The following OTOF variants were observed in gnomAD, a reference collection of about 807,000 sequenced individuals.
OTOF encodes the protein fer-1-like family member 2.
In OTOF, 218 loss-of-function variants were observed where a neutral mutation model predicts 236.8. That is an observed-to-expected ratio of 0.92 (90% confidence interval 0.82 to 1.03). The LOEUF (loss-of-function observed/expected upper bound fraction) is 1.03. Ranked by LOEUF, OTOF falls within the 50% of genes least tolerant of loss-of-function variation. OTOF has a pLI of 0.00. For synonymous variants in OTOF, 1,041 were observed against 1,072.5 expected (o/e 0.97, Z 0.57); for missense variants, 2,590 against 2,694.4 (o/e 0.96, Z 0.86).
chr2:26,519,862 A>C lies in OTOF; in HGVS notation c.228-753T>G, dbSNP rs114723734. Among the ~76,000 whole-genome samples the C allele has an allele frequency of 7.3e-3, 1,115 of 152,320 alleles. 15 individuals are homozygous for C. Among genetic ancestry groups the C allele is most frequent in the African/African-American group, 0.024 (1,013 of 41,574 alleles). On this transcript the variant is annotated intron_variant, in intron 3 of 46. Coordinates refer to ENST00000272371, the MANE Select transcript of OTOF (RefSeq NM_194248.3). ...GAGTGTTCTTGTCAAAGCCCCCAGC[A>C]CACAGCCAGCACTCCAAAGCAGTCC...
chr2:26,502,287 CCCGT>C lies in OTOF; in HGVS notation c.710+9_710+12del, dbSNP rs1666131680. ...TGGGGGCAGCTGGGGTTGCAGGGCT[CCCGT>C]CCACTCACCGCTTGTTGGAGACATT... On this transcript the variant is annotated intron_variant, in intron 7 of 46. Transcript: ENST00000272371. 4 of 1,613,928 alleles carry C rather than the reference CCCGT, an allele frequency of 2.5e-6. No individual in the cohort carries two copies. In the East Asian group the frequency reaches 8.9e-5, roughly 36 times the overall value.
chr2:26,535,047 G>A (rs1486025278), intron 2 of OTOF, among the ~76,000 whole-genome samples: 2 of 152,240 alleles, frequency 1.3e-5, no homozygotes, highest in South Asian at 2.1e-4. Context: ...AGGCCTCCGG[G>A]CCGTTCCTGA....
chr2:26,517,071 G>A (rs1666549083), intron 4 of OTOF, among the ~76,000 whole-genome samples: 1 of 152,192 alleles, frequency 6.6e-6, no homozygotes, highest in Admixed American at 6.5e-5. Flanking sequence ...GCCTCCGGGA[G>A]AGGAGCCCAG....
chr2:26,492,274 G>T (rs959351956), intron 9 of OTOF, among the ~76,000 whole-genome samples: 1 of 152,128 alleles, frequency 6.6e-6, no homozygotes, highest in African/African-American at 2.4e-5. Context: ...TAGAGGCCAG[G>T]GATGCTGCTC....
In OTOF at chr2:26,460,599, G is replaced by A. The variant is rs56148544; in HGVS notation, c.5813+48C>T. 1,166 of 1,422,196 alleles carry A rather than the reference G, an allele frequency of 8.2e-4. 2 individuals are homozygous for A. The highest frequency in any genetic ancestry group is 1.2e-3 in the South Asian group (105 of 86,292). The allele number at this position is 1,422,196 out of a possible 1,614,324, so 88.1% of individuals were successfully genotyped here. ...GGGATCGTCTCCTTCCTGTTCCAGC[G>A]CCTCCAAGAGCCAGAGTGGGGAGGG... is the stretch of plus-strand genomic sequence containing the variant. On this transcript the variant is annotated intron_variant, in intron 45 of 46. Transcript: ENST00000272371. The surrounding 1 kb of genome is among the most constrained non-coding windows in gnomAD (Gnocchi z 5.3).
chr2:26,470,514 G>A lies in OTOF; in HGVS notation c.4023+79C>T, dbSNP rs983293753. ...GAATGGAGTTGGGATCCAGCTCTTG[G>A]GGGCCGTGGGAAAGAAGCTGGACAG... On this transcript the variant is annotated intron_variant, in intron 32 of 46. Coordinates refer to ENST00000272371, the MANE Select transcript of OTOF (RefSeq NM_194248.3). This position sits in a 1 kb window ranked among gnomAD's most constrained non-coding sequence, Gnocchi z 4.3. The A allele has an allele frequency of 4.2e-6, 6 of 1,418,370 alleles. No individual in the cohort carries two copies. Among genetic ancestry groups the A allele is most frequent in the Non-Finnish European group, 6.0e-6 (6 of 1,003,174 alleles). The allele number at this position is 1,418,370 out of a possible 1,614,324, so 87.9% of individuals were successfully genotyped here. A position where few individuals can be genotyped will look rare whatever the true frequency, so the allele number is the denominator to read the frequency against.
chr2:26,516,451 C>G lies in OTOF; in HGVS notation c.476G>C (p.Ser159Thr). Residue 159 changes from serine (S) to threonine (T), a missense_variant, in exon 5 of 47, where the codon AGC becomes ACC. Physicochemically the swap from Ser to Thr is moderately conservative, Grantham distance 58. Coordinates refer to ENST00000272371, the MANE Select transcript of OTOF (RefSeq NM_194248.3). ...TDGLLPGSRP[S>T]SRPPGEKSFR... is the part of the protein sequence containing the mutation. ...GCTCTTCTCTCCTGGGGGCCGGGAG[C>G]TGGGCCGGGAGCCTGGGAGCAGTCC... The G allele has an allele frequency of 6.2e-7, 1 of 1,613,950 alleles. No homozygotes were observed. Among genetic ancestry groups the G allele is most frequent in the Non-Finnish European group, 8.5e-7 (1 of 1,179,964 alleles).
chr2:26,513,511 C>G (rs1396072129), intron 5 of OTOF, among the ~76,000 whole-genome samples: 5 of 152,186 alleles, frequency 3.3e-5, no homozygotes, highest in Admixed American at 2.6e-4. Flanking sequence ...CCCGCAGCCC[C>G]CAGCAGGCCT....
intron 2 of OTOF, among the ~76,000 whole-genome samples, chr2:26,536,981 G>C (rs75091320): frequency 6.6e-6 from 1 of 152,176 alleles, no homozygotes; most frequent in Non-Finnish European, 1.5e-5. Flanking sequence ...CCGAGGGGAA[G>C]GGCAGGGAGA....
intron 1 of OTOF, among the ~76,000 whole-genome samples, chr2:26,553,419 C>A (rs566927677): frequency 6.6e-6 from 1 of 152,328 alleles, no homozygotes; most frequent in Non-Finnish European, 1.5e-5. Context: ...TAGGCACTTC[C>A]TCCTCCTGCT....
chr2:26,479,755 G>C, intron 16 of OTOF, 102 bp from the exon 17 acceptor site: 1 of 1,172,094 alleles, frequency 8.5e-7, no homozygotes. Flanking sequence ...GGGAGAGGGA[G>C]AGTCAGGGAA....
In OTOF at chr2:26,503,761, A is replaced by G. The variant is rs549116472; in HGVS notation, c.583+11T>C. 1.7e-5 allele frequency: 27 copies of G among 1,611,832 alleles called. No individual in the cohort carries two copies. The African/African-American group carries it at 2.3e-4, about 14-fold the overall frequency. ...CGCGGGGCTGCGGGGCTCACGCGGCACCTGTCCTACCTGGTCTTTGGGGCT... is the reference window on the plus strand; with the variant it reads ...CGCGGGGCTGCGGGGCTCACGCGGCGCCTGTCCTACCTGGTCTTTGGGGCT... On this transcript the variant is annotated intron_variant, in intron 6 of 46. Transcript: ENST00000272371.
At chr2:26,488,783 G>T (rs562156480) in intron 11 of OTOF, among the ~76,000 whole-genome samples, 1 of 152,298 alleles carries the variant, frequency 6.6e-6, no homozygotes, top group East Asian at 1.9e-4. Context: ...GGTGGAAAGG[G>T]GTTCTTTTCT....
intron 1 of OTOF, among the ~76,000 whole-genome samples, chr2:26,547,629 A>G (rs994176715): frequency 4.6e-5 from 7 of 152,114 alleles, no homozygotes; most frequent in Non-Finnish European, 1.0e-4. Context: ...TGAGGTCAGG[A>G]GTTCAAGACC....
At chr2:26,514,797 G>A (rs1213432879) in intron 5 of OTOF, among the ~76,000 whole-genome samples, 2 of 152,134 alleles carry the variant, frequency 1.3e-5, no homozygotes, top group African/African-American at 4.8e-5. Flanking sequence ...TCCTTTCCCT[G>A]TGACTGATGG....
At chr2:26,515,292 G>A (rs991561414) in intron 5 of OTOF, among the ~76,000 whole-genome samples, 3 of 152,244 alleles carry the variant, frequency 2.0e-5, no homozygotes, top group Non-Finnish European at 2.9e-5. Flanking sequence ...GCCTGGGGCT[G>A]CCCCATGCCC....
intron 1 of OTOF, among the ~76,000 whole-genome samples, chr2:26,558,168 G>A (rs1489465874): frequency 6.6e-6 from 1 of 151,872 alleles, no homozygotes; most frequent in Non-Finnish European, 1.5e-5. Context: ...GAAGGAGGGG[G>A]TCCTGGGTCT....
At chr2:26,552,281 T>C (rs1478663673) in intron 1 of OTOF, among the ~76,000 whole-genome samples, 2 of 152,042 alleles carry the variant, frequency 1.3e-5, no homozygotes, top group Non-Finnish European at 2.9e-5. Flanking sequence ...TCCTAGCTAC[T>C]CGGGAGGCTG....
At chr2:26,484,714 G>C in intron 11 of OTOF, 81 bp from the exon 12 acceptor site, 2 of 1,465,482 alleles carry the variant, frequency 1.4e-6, no homozygotes, top group Non-Finnish European at 1.9e-6. Flanking sequence ...CCAAGGGGTG[G>C]CAGAACCAAA....
Sources: allele counts gnomAD v4.1 joint callset (sites outside exome capture counted in the v4.1 genomes callset), GRCh38; gene constraint gnomAD v4.1.1; non-coding constraint Gnocchi (gnomAD v3.1); transcripts MANE v1.5; gene names NCBI Gene and HGNC (gene_info 2026-07-23, HGNC 2026-07-21).